DUSP22: variants seen among roughly 807,000 people sequenced by gnomAD.
The protein encoded by DUSP22 is dual specificity protein phosphatase 22.
Under a neutral mutation model 24.5 loss-of-function variants are expected in DUSP22, and 24 were observed. The observed-to-expected ratio is 0.98, with a 90% CI of 0.71 to 1.38. The LOEUF is 1.38. DUSP22 is among the 40% of genes most tolerant of loss of function. The pLI is 0.00. For synonymous variants in DUSP22, 160 were observed against 106.4 expected (o/e 1.50, Z -3.10); for missense variants, 330 against 269.2 (o/e 1.23, Z -1.58).
intron 4 of DUSP22, among the ~76,000 whole-genome samples, chr6:335,787 C>T (rs1759335101): frequency 6.6e-6 from 1 of 152,306 alleles, no homozygotes; most frequent in African/African-American, 2.4e-5. Context: ...GGCTTGAGAA[C>T]CCCAGGAGGC....
chr6:292,673 A>G (rs2127385276), intron 1 of DUSP22, 113 bp downstream of exon 1: 1 of 1,421,736 alleles, frequency 7.0e-7, no homozygotes, highest in Non-Finnish European at 9.3e-7. Context: ...CGCGGTGGGG[A>G]CGGGCGCGGA....
At chr6:332,358 G>A (rs1047752699) in intron 3 of DUSP22, among the ~76,000 whole-genome samples, 1 of 152,306 alleles carries the variant, frequency 6.6e-6, no homozygotes, top group Non-Finnish European at 1.5e-5. Context: ...TGTGGGCAGG[G>A]GCCAGCATGG....
chr6:336,540 A>G (rs1413981602), intron 4 of DUSP22, among the ~76,000 whole-genome samples: 1 of 152,300 alleles, frequency 6.6e-6, no homozygotes, highest in Non-Finnish European at 1.5e-5. Flanking sequence ...ATTTTGTGAG[A>G]TCTACCTTTT....
chr6:337,306 A>G (rs1214344179), intron 4 of DUSP22: 2 of 152,474 alleles, frequency 1.3e-5, no homozygotes, highest in African/African-American at 2.4e-5. Context: ...GCCTGCCCTC[A>G]GGGTTTTTGG....
rs370002831 is a variant in DUSP22 at position 348,223 on chromosome 6, C to T, written c.384C>T (p.Asn128=). 866 of 1,613,700 alleles carry T rather than the reference C, an allele frequency of 5.4e-4. No homozygotes were observed. In the South Asian group the frequency reaches 8.5e-3, roughly 16 times the overall value. The change falls in exon 6 of 7, where the codon AAC becomes AAT. Residue 128 remains asparagine (N), a synonymous_variant. Transcript: ENST00000419235. ...VRAGRSCANP[N]VGFQRQLQEF... is the part of the protein sequence containing the mutation. Reference sequence around the variant, plus strand: ...CTGGGAGATCCTGTGCCAACCCCAACGTGGGCTTCCAGAGACAGCTCCAGG... The same window carrying T: ...CTGGGAGATCCTGTGCCAACCCCAATGTGGGCTTCCAGAGACAGCTCCAGG...
At chr6:334,581 GC>G (rs1469442567) in intron 3 of DUSP22, among the ~76,000 whole-genome samples, 1 of 152,284 alleles carries the variant, frequency 6.6e-6, no homozygotes, top group Non-Finnish European at 1.5e-5. Flanking sequence ...TGAAAAGCAA[GC>G]AAAATAAAAC....
chr6:335,361 T>C (rs1759316074), intron 4 of DUSP22, among the ~76,000 whole-genome samples, 198 bp downstream of exon 4: 1 of 152,302 alleles, frequency 6.6e-6, no homozygotes, highest in Non-Finnish European at 1.5e-5. Context: ...TCCTTGTGGT[T>C]GACTGGTCCT....
Position 350,992 on chromosome 6 carries a change from G to A in DUSP22, c.*2041G>A. Reference sequence around the variant, plus strand: ...GTAAACTTGTTTTTCATTTGAAGCTGAATATATACGTAGTCATGTTTATGT... The same window carrying A: ...GTAAACTTGTTTTTCATTTGAAGCTAAATATATACGTAGTCATGTTTATGT... On this transcript the variant is annotated 3_prime_UTR_variant, in exon 7 of 7. Coordinates refer to ENST00000419235, the MANE Select transcript of DUSP22 (RefSeq NM_001286555.3). 1 of 1,318,446 alleles carries A rather than the reference G, an allele frequency of 7.6e-7. No homozygotes were observed. 81.7% of individuals were successfully genotyped at this position (1,318,446 alleles called of 1,614,324 possible). A position where few individuals can be genotyped will look rare whatever the true frequency, so the allele number is the denominator to read the frequency against.
chr6:348,049 T>C lies in DUSP22; in HGVS notation c.264-54T>C, dbSNP rs1759966856. The C allele has an allele frequency of 3.7e-6, 6 of 1,604,762 alleles. No individual in the cohort carries two copies. In the African/African-American group the frequency reaches 6.7e-5, roughly 18 times the overall value. On this transcript the variant is annotated intron_variant, in intron 5 of 6. Transcript: ENST00000419235. ...CCCCCGCTCCACATGGATTGGGCGA[T>C]GAACCCGGAGATCTGAAACTGCCCT...
intron 3 of DUSP22, among the ~76,000 whole-genome samples, chr6:314,821 T>C (rs545652716): frequency 4.2e-4 from 64 of 152,362 alleles, no homozygotes; most frequent in African/African-American, 1.5e-3. Flanking sequence ...CATTTTTACT[T>C]AGGAAGGAAC....
chr6:300,764 T>C (rs1048126403), intron 1 of DUSP22, among the ~76,000 whole-genome samples: 11 of 152,282 alleles, frequency 7.2e-5, no homozygotes, highest in Non-Finnish European at 1.3e-4. Context: ...TTTATGCATT[T>C]TTCCAGGTTG....
intron 1 of DUSP22, among the ~76,000 whole-genome samples, chr6:300,630 G>C (rs1278805730): frequency 1.3e-5 from 2 of 152,310 alleles, no homozygotes; most frequent in Non-Finnish European, 2.9e-5. Flanking sequence ...CTGTCGGAGT[G>C]ATCTCTGGAG....
At chr6:306,337 T>C (rs1199118467) in intron 2 of DUSP22, among the ~76,000 whole-genome samples, 1 of 152,304 alleles carries the variant, frequency 6.6e-6, no homozygotes, top group Non-Finnish European at 1.5e-5. Flanking sequence ...TTAGCCTTAA[T>C]CATGAAAGGT....
chr6:305,220 C>T (rs866436946), intron 2 of DUSP22, among the ~76,000 whole-genome samples: 1 of 152,302 alleles, frequency 6.6e-6, no homozygotes, highest in African/African-American at 2.4e-5. Context: ...TGGGAGTGGC[C>T]CCCACTTGCA....
intron 3 of DUSP22, among the ~76,000 whole-genome samples, chr6:332,106 C>T (rs1291706668): frequency 2.6e-5 from 4 of 152,312 alleles, no homozygotes; most frequent in Admixed American, 1.3e-4. Context: ...TCCTCTGTCT[C>T]ATCACTCTGC....
In DUSP22 at chr6:328,756, A is replaced by G. The variant is rs1044123139; in HGVS notation, c.139-6358A>G. Among the ~76,000 whole-genome samples the G allele has an allele frequency of 3.9e-5, 6 of 152,418 alleles. No homozygotes were observed. In the South Asian group the frequency reaches 8.3e-4, roughly 21 times the overall value. ...AATAATGCAGCCTAACTAATGGAGCATATTTATCTGCCGTGGCGGCTTTCT... is the reference window on the plus strand; with the variant it reads ...AATAATGCAGCCTAACTAATGGAGCGTATTTATCTGCCGTGGCGGCTTTCT... On this transcript the variant is annotated intron_variant, in intron 3 of 6. Transcript: ENST00000419235.
At chr6:322,842 G>GCCTTCGAGTCT in intron 3 of DUSP22, among the ~76,000 whole-genome samples, 1 of 143,936 alleles carries the variant, frequency 6.9e-6, no homozygotes, top group Non-Finnish European at 1.5e-5. Context: ...GGGCGGGGGG[G>GCCTTCGAGTCT]GGCCTTCGAG....
chr6:308,955 C>T (rs1424888117), intron 2 of DUSP22, among the ~76,000 whole-genome samples: 1 of 152,308 alleles, frequency 6.6e-6, no homozygotes, highest in African/African-American at 2.4e-5. Context: ...GCCCCACCTC[C>T]TCCAGGTTCT....
intron 3 of DUSP22, among the ~76,000 whole-genome samples, chr6:329,207 G>C (rs1235916140): frequency 6.6e-6 from 1 of 152,308 alleles, no homozygotes; most frequent in Non-Finnish European, 1.5e-5. Flanking sequence ...TCAAGAGTGT[G>C]GCCAGACGGT....
Sources: allele counts gnomAD v4.1 joint callset (sites outside exome capture counted in the v4.1 genomes callset), GRCh38; gene constraint gnomAD v4.1.1; transcripts MANE v1.5; gene names NCBI Gene and HGNC (gene_info 2026-07-23, HGNC 2026-07-21).